The following KIAA1217 variants were observed in gnomAD, a reference collection of about 807,000 sequenced individuals.
KIAA1217 encodes sickle tail protein homolog.
In KIAA1217, 88 loss-of-function variants were observed where a neutral mutation model predicts 163.9. That is an observed-to-expected ratio of 0.54 (90% CI 0.45 to 0.64). The LOEUF (loss-of-function observed/expected upper bound fraction) is 0.64. KIAA1217 is among the 30% of genes least tolerant of loss of function. The pLI is 0.00. For missense variants in KIAA1217, 2,372 were observed against 2,475.0 expected, an observed-to-expected ratio of 0.96 and a Z score of 0.88; for synonymous variants, 903 against 923.1, an observed-to-expected ratio of 0.98 and a Z score of 0.39.
At chr10:24,451,795 C>T (rs1043138936) in intron 5 of KIAA1217, among the ~76,000 whole-genome samples, 1 of 152,200 alleles carries the variant, frequency 6.6e-6, no homozygotes, top group Non-Finnish European at 1.5e-5. Context: ...TAGGTGTTGG[C>T]GGAGATTGCT....
intron 1 of KIAA1217, among the ~76,000 whole-genome samples, chr10:23,866,465 T>C (rs753827498): frequency 3.9e-5 from 6 of 152,160 alleles, no homozygotes; most frequent in Non-Finnish European, 7.4e-5. Flanking sequence ...ACACCCACAA[T>C]TTATTATACG....
chr10:23,777,505 GA>G (rs1444758700), intron 1 of KIAA1217, among the ~76,000 whole-genome samples: 1 of 152,200 alleles, frequency 6.6e-6, no homozygotes, highest in Admixed American at 6.5e-5. Context: ...GACAGTGTAA[GA>G]AAGGGAAAAG....
intron 1 of KIAA1217, among the ~76,000 whole-genome samples, chr10:23,938,594 A>G (rs1319413618): frequency 1.3e-5 from 2 of 152,226 alleles, no homozygotes; most frequent in Non-Finnish European, 2.9e-5. Flanking sequence ...ATTTATATAC[A>G]ATGTAGCATA....
At chr10:24,258,480 G>A (rs2131653219) in intron 2 of KIAA1217, among the ~76,000 whole-genome samples, 1 of 152,114 alleles carries the variant, frequency 6.6e-6, no homozygotes, top group East Asian at 1.9e-4. Context: ...ATAAGGAGTA[G>A]AGTCTATTGC....
intron 2 of KIAA1217, among the ~76,000 whole-genome samples, chr10:24,332,968 A>G (rs2133598246): frequency 6.6e-6 from 1 of 152,246 alleles, no homozygotes; most frequent in South Asian, 2.1e-4. Flanking sequence ...GAAATAATGT[A>G]GTAGAAGGTC....
intron 2 of KIAA1217, among the ~76,000 whole-genome samples, chr10:24,327,221 C>T (rs1369134459): frequency 6.6e-6 from 1 of 152,174 alleles, no homozygotes; most frequent in Non-Finnish European, 1.5e-5. Context: ...GCACTGCCTT[C>T]ACAAGGTAAG....
At chr10:24,351,688 CA>C (rs949517216) in intron 2 of KIAA1217, among the ~76,000 whole-genome samples, 7 of 152,030 alleles carry the variant, frequency 4.6e-5, no homozygotes, top group Non-Finnish European at 1.0e-4. Flanking sequence ...AATCTCTCCT[CA>C]AAAAAATGTT....
At position 24,405,909 on chromosome 10, in the gene KIAA1217, G is replaced by A. The variant is rs181838350; in HGVS notation, c.553+24842G>A. On this transcript the variant is annotated intron_variant, in intron 3 of 20. Transcript: ENST00000376454. ...AAATAATGCATTTTCTAAAAGGAAT[G>A]CTGCAGTGTTTTGAAGGTGAAGTAG... is the stretch of plus-strand genomic sequence containing the variant. Among the ~76,000 whole-genome samples the A allele has an allele frequency of 2.3e-3, 347 of 152,296 alleles. 4 individuals carry two copies. The highest frequency in any genetic ancestry group is 9.6e-4 in the East Asian group (5 of 5,192).
intron 1 of KIAA1217, among the ~76,000 whole-genome samples, chr10:23,945,704 T>C (rs1251660700): frequency 6.6e-6 from 1 of 152,176 alleles, no homozygotes; most frequent in Non-Finnish European, 1.5e-5. Context: ...TTGTTTAATA[T>C]AAAATAAGTG....
At chr10:24,200,436 A>G (rs1298864522) in intron 2 of KIAA1217, among the ~76,000 whole-genome samples, 2 of 152,002 alleles carry the variant, frequency 1.3e-5, no homozygotes, top group Non-Finnish European at 2.9e-5. Flanking sequence ...TACAGACAAG[A>G]GTCACCAAGC....
chr10:23,790,766 C>G (rs1442531676), intron 1 of KIAA1217, among the ~76,000 whole-genome samples: 1 of 151,116 alleles, frequency 6.6e-6, no homozygotes, highest in African/African-American at 2.4e-5. Context: ...CAGGGTCTCC[C>G]TCTGTCACCC....
At chr10:24,105,189 C>A (rs1241983583) in intron 2 of KIAA1217, among the ~76,000 whole-genome samples, 1 of 152,022 alleles carries the variant, frequency 6.6e-6, no homozygotes, top group Non-Finnish European at 1.5e-5. Flanking sequence ...ATTCTAGCGA[C>A]TCACAGAGGC....
chr10:24,322,737 A>C (rs920528639), intron 2 of KIAA1217, among the ~76,000 whole-genome samples: 1 of 151,968 alleles, frequency 6.6e-6, no homozygotes, highest in East Asian at 1.9e-4. Flanking sequence ...TCTGCGTCTC[A>C]CCTTGCAGGG....
chr10:24,443,045 G>A (rs2060630434), intron 5 of KIAA1217, among the ~76,000 whole-genome samples: 1 of 151,644 alleles, frequency 6.6e-6, no homozygotes, highest in South Asian at 2.1e-4. Flanking sequence ...TGAGTAGCTG[G>A]GATTACAGGC....
chr10:24,545,786 C>T (rs372983962), intron 20 of KIAA1217, 41 bp from the exon 21 acceptor site: 18 of 1,547,384 alleles, frequency 1.2e-5, no homozygotes, highest in Middle Eastern at 1.8e-4. Flanking sequence ...ATCATGTGAC[C>T]GCCTTTCTGA....
chr10:24,247,242 T>G (rs2073927662), intron 2 of KIAA1217, among the ~76,000 whole-genome samples: 1 of 152,042 alleles, frequency 6.6e-6, no homozygotes, highest in Admixed American at 6.6e-5. Flanking sequence ...TGGGGCTTTG[T>G]TGTACAGATT....
At chr10:23,770,911 C>G (rs1487962320) in intron 1 of KIAA1217, among the ~76,000 whole-genome samples, 1 of 152,056 alleles carries the variant, frequency 6.6e-6, no homozygotes, top group East Asian at 1.9e-4. Flanking sequence ...TACTGCTGTC[C>G]AAGTTTGAGG....
intron 1 of KIAA1217, among the ~76,000 whole-genome samples, chr10:23,966,360 T>A (rs559237560): frequency 1.3e-5 from 2 of 152,266 alleles, no homozygotes; most frequent in South Asian, 4.1e-4. Context: ...CTGAAGTCTC[T>A]AAGAGAGCAC....
At chr10:24,046,552 T>A (rs1042726604) in intron 2 of KIAA1217, among the ~76,000 whole-genome samples, 2 of 152,052 alleles carry the variant, frequency 1.3e-5, no homozygotes, top group East Asian at 3.8e-4. Flanking sequence ...CTTACCATGG[T>A]GAAGCAGGAG....
Sources: gnomAD v4.1 joint callset for allele counts (sites outside exome capture counted in the v4.1 genomes callset) on GRCh38, gnomAD v4.1.1 for gene constraint, MANE v1.5 for transcripts, NCBI Gene and HGNC (gene_info 2026-07-23, HGNC 2026-07-21) for gene names.